Variants in LRBA observed in about 807,000 individuals in gnomAD.
LRBA encodes LPS responsive beige-like anchor protein.
LRBA carries 176 observed loss-of-function variants against 330.0 expected under a neutral mutation model. The ratio of observed to expected loss-of-function variants is 0.53; its 90% CI spans 0.47 to 0.60. The LOEUF is 0.60. LRBA is among the 20% of genes least tolerant of loss of function. The probability of loss-of-function intolerance (pLI) is 0.00; values close to 1 mark genes in which losing one functional copy is unlikely to be tolerated. For synonymous variants in LRBA, 1,230 were observed against 1,193.0 expected, an observed-to-expected ratio of 1.03 and a Z score of -0.64; for missense variants, 3,259 against 3,444.8, an observed-to-expected ratio of 0.95 and a Z score of 1.35.
intron 47 of LRBA, among the ~76,000 whole-genome samples, chr4:150,363,219 C>T (rs1581118223): frequency 6.6e-6 from 1 of 152,152 alleles, no homozygotes; most frequent in African/African-American, 2.4e-5. Flanking sequence ...CTTCTTATAT[C>T]TGTAATGTCC....
intron 52 of LRBA, among the ~76,000 whole-genome samples, chr4:150,306,492 A>C (rs1378181576): frequency 6.6e-6 from 1 of 152,174 alleles, no homozygotes; most frequent in Non-Finnish European, 1.5e-5. Context: ...TTTATACAAG[A>C]TATTAAGAAA....
intron 23 of LRBA, among the ~76,000 whole-genome samples, chr4:150,851,532 C>A (rs1750618304): frequency 6.6e-6 from 1 of 152,142 alleles, no homozygotes; most frequent in South Asian, 2.1e-4. Flanking sequence ...AGGTAGGTAG[C>A]CCTAGAGTTT....
intron 47 of LRBA, among the ~76,000 whole-genome samples, chr4:150,385,068 A>G (rs1358954565): frequency 6.6e-6 from 1 of 152,242 alleles, no homozygotes; most frequent in Non-Finnish European, 1.5e-5. Context: ...GCCAACATTT[A>G]TAGCATATTC....
intron 47 of LRBA, among the ~76,000 whole-genome samples, chr4:150,412,771 T>A (rs1052500812): frequency 4.0e-5 from 6 of 151,664 alleles, no homozygotes; most frequent in Non-Finnish European, 7.4e-5. Flanking sequence ...AGTGTGTCAA[T>A]AAAAAAATGA....
intron 40 of LRBA, among the ~76,000 whole-genome samples, chr4:150,534,506 T>A (rs978279125): frequency 6.6e-6 from 1 of 151,978 alleles, no homozygotes; most frequent in Non-Finnish European, 1.5e-5. Context: ...ATGTTAGGCA[T>A]GAATTACCTG....
chr4:150,409,556 TTGA>T (rs2151942894), intron 47 of LRBA, among the ~76,000 whole-genome samples: 1 of 152,266 alleles, frequency 6.6e-6, no homozygotes, highest in Admixed American at 6.5e-5. Context: ...ATAATAATTT[TTGA>T]TATCTAGTAA....
chr4:150,298,557 C>G (rs572012806), intron 53 of LRBA, among the ~76,000 whole-genome samples: 21 of 152,142 alleles, frequency 1.4e-4, no homozygotes, highest in Admixed American at 3.9e-4. Context: ...GCATACAGTA[C>G]TTTAAAAAAC....
At chr4:150,659,776 C>T (rs1243817282) in intron 37 of LRBA, among the ~76,000 whole-genome samples, 5 of 22,986 alleles carry the variant, frequency 2.2e-4, no homozygotes, top group Non-Finnish European at 3.7e-4. Context: ...AGGTGAGGGG[C>T]GCCTCTGCCC....
At chr4:150,782,602 A>G (rs975315453) in intron 34 of LRBA, among the ~76,000 whole-genome samples, 22 of 152,144 alleles carry the variant, frequency 1.4e-4, no homozygotes, top group Non-Finnish European at 2.2e-4. Flanking sequence ...GCCTCCCACT[A>G]ACGATCTCTA....
At chr4:151,006,307 C>T (rs1167139802) in intron 2 of LRBA, among the ~76,000 whole-genome samples, 2 of 152,036 alleles carry the variant, frequency 1.3e-5, no homozygotes, top group African/African-American at 4.8e-5. Context: ...GTATGGGTGA[C>T]AGAGGGAGAC....
In LRBA at chr4:150,955,111, C is replaced by CA. The variant is rs559339009; in HGVS notation, c.217-26047dup. Among the ~76,000 whole-genome samples, 475 of 148,470 alleles carry CA rather than the reference C, an allele frequency of 3.2e-3. 59 individuals carry two copies. Among genetic ancestry groups the CA allele is most frequent in the African/African-American group, 0.012 (439 of 38,152 alleles). On this transcript the variant is annotated intron_variant, in intron 2 of 56. Coordinates refer to ENST00000651943, the MANE Select transcript of LRBA (RefSeq NM_001364905.1). ...GAAACATGGTGAAACCCTGTCTCTA[C>CA]AAAAAACAGAAAAATGAGCCAGGTG...
chr4:150,869,362 T>A (rs1002041628), intron 20 of LRBA, among the ~76,000 whole-genome samples: 1 of 152,216 alleles, frequency 6.6e-6, no homozygotes, highest in Non-Finnish European at 1.5e-5. Context: ...ATTGTAATGG[T>A]CTTAGCATAA....
intron 44 of LRBA, among the ~76,000 whole-genome samples, chr4:150,466,076 C>T (rs1391606740): frequency 6.6e-6 from 1 of 152,036 alleles, no homozygotes; most frequent in African/African-American, 2.4e-5. Flanking sequence ...TCAGATGATA[C>T]AGCAAAGATG....
chr4:150,463,550 T>A (rs955870223), intron 44 of LRBA, among the ~76,000 whole-genome samples: 3 of 151,972 alleles, frequency 2.0e-5, no homozygotes, highest in Non-Finnish European at 2.9e-5. Context: ...CCCCCCTTTT[T>A]TACTTTTAAT....
At chr4:150,683,523 T>A in intron 37 of LRBA, 28 bp downstream of exon 37, 1 of 1,596,500 alleles carries the variant, frequency 6.3e-7, no homozygotes, top group Non-Finnish European at 8.6e-7. Context: ...AGAAAATCAG[T>A]GGCCAAATCC....
chr4:150,970,032 C>G (rs1487417910), intron 2 of LRBA, among the ~76,000 whole-genome samples: 3 of 152,156 alleles, frequency 2.0e-5, no homozygotes, highest in Non-Finnish European at 4.4e-5. Flanking sequence ...ATTTTAACAA[C>G]TTTTCACAGC....
intron 40 of LRBA, among the ~76,000 whole-genome samples, chr4:150,504,481 T>C (rs1760768248): frequency 6.6e-6 from 1 of 152,190 alleles, no homozygotes; most frequent in Admixed American, 6.5e-5. Flanking sequence ...GAATTTCATA[T>C]CCAGCCAAAC....
intron 2 of LRBA, among the ~76,000 whole-genome samples, chr4:150,991,803 T>C (rs935370570): frequency 3.9e-5 from 6 of 152,194 alleles, no homozygotes; most frequent in African/African-American, 1.4e-4. Flanking sequence ...TCTATGTAAA[T>C]CATACCTTAA....
At chr4:150,467,204 CT>C (rs1261302084) in intron 44 of LRBA, among the ~76,000 whole-genome samples, 1 of 152,030 alleles carries the variant, frequency 6.6e-6, no homozygotes, top group Non-Finnish European at 1.5e-5. Context: ...CATAAAGATA[CT>C]TTTTTAATAG....
Sources: gnomAD v4.1 joint callset for allele counts (sites outside exome capture counted in the v4.1 genomes callset) on GRCh38, gnomAD v4.1.1 for gene constraint, MANE v1.5 for transcripts, NCBI Gene and HGNC (gene_info 2026-07-23, HGNC 2026-07-21) for gene names.